The following IL1RAPL1 variants were observed in gnomAD, a reference collection of about 807,000 sequenced individuals.
IL1RAPL1 encodes the protein interleukin-1 receptor accessory protein-like 1.
In IL1RAPL1, 3 loss-of-function variants were observed where a neutral mutation model predicts 48.4. The ratio of observed to expected loss-of-function variants is 0.06; its 90% CI spans 0.03 to 0.16. The LOEUF (loss-of-function observed/expected upper bound fraction) is 0.16, where lower values mean the gene tolerates loss of function less well. Among genes scored for constraint, IL1RAPL1 ranks in the 10% least tolerant of loss-of-function variants. IL1RAPL1 has a pLI of 1.00. For synonymous variants in IL1RAPL1, 185 were observed against 187.7 expected, an observed-to-expected ratio of 0.99 and a Z score of 0.12; for missense variants, 349 against 530.6, an observed-to-expected ratio of 0.66 and a Z score of 3.36.
chrX:29,346,614 A>G (rs968620054), intron 3 of IL1RAPL1, among the ~76,000 whole-genome samples: 1 of 112,868 alleles, frequency 8.9e-6, no homozygotes, highest in African/African-American at 3.2e-5. Context: ...TGAGCAGAGT[A>G]GGCATCATAT....
At chrX:29,562,111 A>G (rs759258307) in intron 5 of IL1RAPL1, among the ~76,000 whole-genome samples, 37 of 60,716 alleles carry the variant, frequency 6.1e-4, no homozygotes, top group Middle Eastern at 8.5e-3. Flanking sequence ...CTATCTATCT[A>G]TCTAATCTAT....
intron 2 of IL1RAPL1, among the ~76,000 whole-genome samples, chrX:28,798,995 T>C (rs964130433): frequency 4.5e-5 from 5 of 112,002 alleles, no homozygotes; most frequent in African/African-American, 1.6e-4. Context: ...TAAAGGCGTC[T>C]GTGTTCCTTT....
At chrX:28,905,388 G>A (rs1486612089) in intron 2 of IL1RAPL1, among the ~76,000 whole-genome samples, 1 of 111,571 alleles carries the variant, frequency 9.0e-6, no homozygotes, top group African/African-American at 3.2e-5. Flanking sequence ...ATAAGTGAAT[G>A]CTAAAAAAGT....
intron 1 of IL1RAPL1, among the ~76,000 whole-genome samples, chrX:28,735,705 G>A (rs7892004): frequency 0.01 from 1,114 of 110,332 alleles, 15 homozygotes; most frequent in African/African-American, 0.035. Context: ...CCAAGGATTC[G>A]AGGCTGTTGA....
At chrX:29,928,809 T>C (rs1352284628) in intron 8 of IL1RAPL1, among the ~76,000 whole-genome samples, 1 of 111,963 alleles carries the variant, frequency 8.9e-6, no homozygotes, top group Non-Finnish European at 1.9e-5. Context: ...TTCCTGTACG[T>C]TGAACTTTTG....
At chrX:29,594,962 T>G (rs1355582386) in intron 5 of IL1RAPL1, among the ~76,000 whole-genome samples, 2 of 111,750 alleles carry the variant, frequency 1.8e-5, no homozygotes, top group Admixed American at 1.9e-4. Flanking sequence ...TAGCTCCAAC[T>G]TATGAGTGCA....
chrX:29,735,714 T>C (rs996004907), intron 6 of IL1RAPL1, among the ~76,000 whole-genome samples: 1 of 111,282 alleles, frequency 9.0e-6, no homozygotes, highest in Non-Finnish European at 1.9e-5. Context: ...GGGCACAGTA[T>C]GTTTGAGATT....
chrX:29,520,430 T>G (rs1009680934), intron 5 of IL1RAPL1, among the ~76,000 whole-genome samples: 1 of 112,428 alleles, frequency 8.9e-6, no homozygotes, highest in African/African-American at 3.2e-5. Flanking sequence ...GATTAAAAAT[T>G]TCCCATTCTG....
At chrX:29,801,357 C>T (rs1407548142) in intron 6 of IL1RAPL1, among the ~76,000 whole-genome samples, 1 of 111,471 alleles carries the variant, frequency 9.0e-6, no homozygotes, top group African/African-American at 3.3e-5. Context: ...TAGGGCAGAA[C>T]CAGCACAAGT....
chrX:28,654,032 C>A (rs1934719901), intron 1 of IL1RAPL1, among the ~76,000 whole-genome samples: 1 of 111,100 alleles, frequency 9.0e-6, no homozygotes, highest in South Asian at 3.7e-4. Flanking sequence ...TAAAGGAAAG[C>A]GTTGAGGGTC....
At chrX:28,800,076 T>G (rs1456983393) in intron 2 of IL1RAPL1, among the ~76,000 whole-genome samples, 1 of 111,951 alleles carries the variant, frequency 8.9e-6, no homozygotes, top group East Asian at 2.8e-4. Flanking sequence ...TAAGCAGGGC[T>G]ACACTTCTTC....
At chrX:29,387,854 G>A (rs908889263) in intron 3 of IL1RAPL1, among the ~76,000 whole-genome samples, 10 of 109,724 alleles carry the variant, frequency 9.1e-5, no homozygotes, top group South Asian at 3.9e-4. Context: ...CCAGCCAGGC[G>A]TGGTGGCAGG....
At chrX:29,649,806 A>G (rs1925456162) in intron 5 of IL1RAPL1, among the ~76,000 whole-genome samples, 1 of 111,413 alleles carries the variant, frequency 9.0e-6, no homozygotes, top group African/African-American at 3.2e-5. Context: ...ATGGAAAAGG[A>G]AGATACTAAA....
At chrX:29,844,781 A>T (rs185457757) in intron 6 of IL1RAPL1, among the ~76,000 whole-genome samples, 86 of 112,301 alleles carry the variant, frequency 7.7e-4, no homozygotes, top group Non-Finnish European at 1.1e-3. Context: ...GTCCAAAACC[A>T]ATCCTTCTTG....
intron 3 of IL1RAPL1, among the ~76,000 whole-genome samples, chrX:29,362,882 A>G (rs1213439486): frequency 8.9e-6 from 1 of 112,193 alleles, no homozygotes; most frequent in African/African-American, 3.2e-5. Flanking sequence ...CATTGCAGTT[A>G]TATTGGGGGA....
intron 6 of IL1RAPL1, among the ~76,000 whole-genome samples, chrX:29,858,225 C>G (rs1158469743): frequency 3.6e-5 from 4 of 111,666 alleles, no homozygotes; most frequent in African/African-American, 1.3e-4. Context: ...GAAAAGATGA[C>G]ACTAGGGTGG....
chrX:29,719,743 C>CA (rs372308075), intron 6 of IL1RAPL1, among the ~76,000 whole-genome samples: 3,280 of 21,230 alleles, frequency 0.15, 295 homozygotes, highest in East Asian at 0.43. Flanking sequence ...GAAAGATGAG[C>CA]AAAAAAAAAA....
intron 1 of IL1RAPL1, among the ~76,000 whole-genome samples, chrX:28,705,431 G>T (rs1190064228): frequency 8.9e-6 from 1 of 111,834 alleles, no homozygotes; most frequent in African/African-American, 3.2e-5. Context: ...AGACCTACCG[G>T]TGTCTTTTAA....
intron 5 of IL1RAPL1, among the ~76,000 whole-genome samples, chrX:29,626,801 A>G (rs968790521): frequency 4.5e-5 from 5 of 111,683 alleles, no homozygotes; most frequent in Non-Finnish European, 9.4e-5. Flanking sequence ...AGCTGTGTAT[A>G]TGTTTAATAA....
Sources: allele counts gnomAD v4.1 joint callset (sites outside exome capture counted in the v4.1 genomes callset), GRCh38; gene constraint gnomAD v4.1.1; transcripts MANE v1.5; gene names NCBI Gene and HGNC (gene_info 2026-07-23, HGNC 2026-07-21).